CHL1: variants seen among roughly 807,000 people sequenced by gnomAD.
The protein encoded by CHL1 is neural cell adhesion molecule L1-like protein.
Under a neutral mutation model 141.9 loss-of-function variants are expected in CHL1, and 96 were observed. The ratio of observed to expected loss-of-function variants is 0.68; its 90% CI spans 0.57 to 0.80. The LOEUF (loss-of-function observed/expected upper bound fraction) is 0.80, where lower values mean the gene tolerates loss of function less well. CHL1 is among the 30% of genes least tolerant of loss of function. The pLI, the probability that CHL1 is intolerant of heterozygous loss-of-function variation, is 0.00. For missense variants in CHL1, 1,820 were observed against 1,457.2 expected (o/e 1.25, Z -4.05); for synonymous variants, 613 against 502.2 (o/e 1.22, Z -2.95).
intron 12 of CHL1, 101 bp from the exon 13 acceptor site, chr3:361,598 G>C (rs1704258405): frequency 2.7e-6 from 2 of 744,586 alleles, no homozygotes; most frequent in African/African-American, 1.7e-5. Flanking sequence ...ATATTCTGCT[G>C]TTTTCTGTTT....
chr3:217,288 T>G (rs1309891465), intron 1 of CHL1, among the ~76,000 whole-genome samples: 1 of 152,068 alleles, frequency 6.6e-6, no homozygotes, highest in Non-Finnish European at 1.5e-5. Flanking sequence ...TGTGTGCATG[T>G]GTAGCTCTGA....
intron 2 of CHL1, chr3:248,629 G>A (rs1693401732): frequency 6.6e-6 from 1 of 151,974 alleles, no homozygotes; most frequent in Non-Finnish European, 1.5e-5. Context: ...GTTTTTGTTT[G>A]TAAGATTTTA....
At chr3:205,582 G>C (rs888451915) in intron 1 of CHL1, among the ~76,000 whole-genome samples, 2 of 152,202 alleles carry the variant, frequency 1.3e-5, no homozygotes, top group African/African-American at 4.8e-5. Flanking sequence ...AAGATAGGGA[G>C]ATAGACTTTT....
intron 2 of CHL1, among the ~76,000 whole-genome samples, chr3:255,696 T>A (rs551037001): frequency 6.6e-6 from 1 of 152,176 alleles, no homozygotes; most frequent in East Asian, 1.9e-4. Context: ...TCTTGCATAG[T>A]TTTTTCCTAG....
intron 2 of CHL1, among the ~76,000 whole-genome samples, chr3:276,628 A>G (rs9824826): frequency 0.15 from 23,219 of 151,680 alleles, 4,322 homozygotes; most frequent in African/African-American, 0.45. Context: ...GGTGGCTCAC[A>G]CCTGTAATCC....
rs183237542 is a variant in CHL1 at position 381,402 on chromosome 3, C to G, written c.1877-777C>G. Among the ~76,000 whole-genome samples, 55 of 152,336 alleles carry G rather than the reference C, an allele frequency of 3.6e-4. No homozygotes were observed. The South Asian group carries it at 6.0e-3, about 17-fold the overall frequency. On this transcript the variant is annotated intron_variant, in intron 16 of 27. Transcript: ENST00000256509. ...CAGTGGGAGAAAGGAAGACACTTAT[C>G]TGCAGGGCACCAAACAAGAACTGGT...
At chr3:220,290 CT>C (rs1319493245) in intron 1 of CHL1, among the ~76,000 whole-genome samples, 1 of 152,062 alleles carries the variant, frequency 6.6e-6, no homozygotes, top group Non-Finnish European at 1.5e-5. Flanking sequence ...TAAATTAAAC[CT>C]TCAATGATCT....
chr3:309,707 GC>G (rs1185698865), intron 2 of CHL1, among the ~76,000 whole-genome samples: 1 of 152,006 alleles, frequency 6.6e-6, no homozygotes, highest in African/African-American at 2.4e-5. Flanking sequence ...TAGAGATGGG[GC>G]CTCACTATGT....
chr3:342,180 T>C, intron 7 of CHL1, 98 bp downstream of exon 7: 1 of 1,128,984 alleles, frequency 8.9e-7, no homozygotes, highest in Non-Finnish European at 1.3e-6. Context: ...GGTTGATATT[T>C]TGCACCATTG....
intron 9 of CHL1, among the ~76,000 whole-genome samples, chr3:348,824 T>C (rs1369088130): frequency 1.3e-5 from 2 of 152,130 alleles, no homozygotes; most frequent in South Asian, 4.1e-4. Context: ...AATAGGCTGT[T>C]CATGGGTCTA....
At chr3:274,970 A>C (rs1695961701) in intron 2 of CHL1, among the ~76,000 whole-genome samples, 1 of 152,212 alleles carries the variant, frequency 6.6e-6, no homozygotes, top group African/African-American at 2.4e-5. Flanking sequence ...AAGAAGCAAT[A>C]TCTCTCTTTT....
intron 2 of CHL1, 23 bp from the exon 3 acceptor site, chr3:319,660 T>C (rs1700408260): frequency 1.5e-5 from 9 of 611,178 alleles, no homozygotes; most frequent in Non-Finnish European, 2.6e-5. Flanking sequence ...TGAACTAACA[T>C]GTTATTCTGT....
chr3:354,710 TGA>T lies in CHL1; in HGVS notation c.1106_1107del (p.Glu369GlyfsTer2). 6.2e-7 allele frequency: 1 copy of T among 1,614,030 alleles called. No homozygotes were observed. The highest frequency in any genetic ancestry group is 8.5e-7 in the Non-Finnish European group (1 of 1,179,926). On this transcript the variant is annotated frameshift_variant, in exon 11 of 28. Transcript: ENST00000256509. LOFTEE classifies it high-confidence loss of function. Reference protein sequence around the residue: ...STGSNGILLCEAEGEPQPTIK... With the variant: ...STGSNGILLCXAEGEPQPTIK... Reference sequence around the variant, plus strand: ...CCGGAAGCAATGGCATCTTGTTATGTGAGGCTGAAGGAGAACCTCAACCCACA... The same window carrying T: ...CCGGAAGCAATGGCATCTTGTTATGTGGCTGAAGGAGAACCTCAACCCACA...
At chr3:348,181 C>T (rs776621183) in intron 9 of CHL1, among the ~76,000 whole-genome samples, 1 of 152,238 alleles carries the variant, frequency 6.6e-6, no homozygotes, top group Non-Finnish European at 1.5e-5. Context: ...AAAAAAGGAA[C>T]AAGTTTAGAG....
rs568153221 is a variant in CHL1 at position 372,297 on chromosome 3, G to T, written c.1752-5521G>T. On this transcript the variant is annotated intron_variant, in intron 15 of 27. Transcript: ENST00000256509. ...AAGTCCCGTATTTCTTGAAGGCTTT[G>T]TTCATTCCTTTGCATTCTTTTTTCT... Among the ~76,000 whole-genome samples, 3 of 152,166 alleles carry T rather than the reference G, an allele frequency of 2.0e-5. No individual in the cohort carries two copies. The East Asian group carries it at 5.8e-4, about 29-fold the overall frequency.
chr3:267,535 T>C (rs1695261128), intron 2 of CHL1, among the ~76,000 whole-genome samples: 3 of 152,178 alleles, frequency 2.0e-5, no homozygotes, highest in Admixed American at 2.0e-4. Context: ...TGATTTTATG[T>C]TATTTTATTA....
intron 3 of CHL1, among the ~76,000 whole-genome samples, chr3:321,527 C>G (rs1467189444): frequency 6.6e-6 from 1 of 152,060 alleles, no homozygotes; most frequent in African/African-American, 2.4e-5. Context: ...ACATTGTCTT[C>G]CGAATAGCAA....
At chr3:281,548 C>A (rs1303969257) in intron 2 of CHL1, among the ~76,000 whole-genome samples, 3 of 146,772 alleles carry the variant, frequency 2.0e-5, no homozygotes, top group Non-Finnish European at 3.0e-5. Flanking sequence ...TTTTATTTTT[C>A]CAATTTGTAC....
intron 9 of CHL1, among the ~76,000 whole-genome samples, chr3:348,684 G>C (rs949759831): frequency 6.6e-6 from 1 of 152,140 alleles, no homozygotes; most frequent in Non-Finnish European, 1.5e-5. Flanking sequence ...TTTTGACTGG[G>C]TGAGCTAATC....
Sources: gnomAD v4.1 joint callset for allele counts (sites outside exome capture counted in the v4.1 genomes callset) on GRCh38, gnomAD v4.1.1 for gene constraint, MANE v1.5 for transcripts, NCBI Gene and HGNC (gene_info 2026-07-23, HGNC 2026-07-21) for gene names.